Variants in MEMO1 observed in about 807,000 individuals in gnomAD.
The protein encoded by MEMO1 is mediator of cell motility 1, also known as protein MEMO1.
Under a neutral mutation model 45.2 loss-of-function variants are expected in MEMO1, and 6 were observed. The observed-to-expected ratio is 0.13, with a 90% CI of 0.07 to 0.26. The LOEUF (loss-of-function observed/expected upper bound fraction) is 0.26. MEMO1 is among the 10% of genes least tolerant of loss of function. The pLI is 1.00. For missense variants in MEMO1, 184 were observed against 370.5 expected (o/e 0.50, Z 4.13); for synonymous variants, 78 against 124.3 (o/e 0.63, Z 2.48).
intron 2 of MEMO1, among the ~76,000 whole-genome samples, chr2:31,969,490 G>GA (rs1354372159): frequency 6.6e-6 from 1 of 150,962 alleles, no homozygotes; most frequent in East Asian, 1.9e-4. Flanking sequence ...TTTATAGACA[G>GA]AAAAAAGTTT....
At chr2:31,892,892 T>C (rs1677177544) in intron 6 of MEMO1, among the ~76,000 whole-genome samples, 1 of 152,192 alleles carries the variant, frequency 6.6e-6, no homozygotes. Flanking sequence ...ATAACTATGA[T>C]GAGCTATAGA....
At chr2:31,945,031 C>T (rs573831565) in intron 2 of MEMO1, among the ~76,000 whole-genome samples, 90 of 152,184 alleles carry the variant, frequency 5.9e-4, no homozygotes, top group African/African-American at 2.1e-3. Context: ...GTAACCACTT[C>T]CTGATTTTGG....
intron 6 of MEMO1, among the ~76,000 whole-genome samples, chr2:31,898,201 G>C (rs892527043): frequency 2.6e-5 from 4 of 151,694 alleles, no homozygotes; most frequent in Non-Finnish European, 5.9e-5. Flanking sequence ...AGGGTTTTTC[G>C]TGTCTCTATC....
At chr2:31,920,565 A>G (rs956318407) in intron 5 of MEMO1, among the ~76,000 whole-genome samples, 2 of 152,160 alleles carry the variant, frequency 1.3e-5, no homozygotes, top group Admixed American at 6.6e-5. Context: ...AACCACTACA[A>G]TCTGCACACT....
intron 6 of MEMO1, among the ~76,000 whole-genome samples, chr2:31,915,904 T>C (rs898419679): frequency 1.3e-5 from 2 of 152,142 alleles, no homozygotes; most frequent in Non-Finnish European, 2.9e-5. Context: ...ATAACTAATA[T>C]AGGTAATTTT....
At chr2:31,924,523 G>A (rs1383552405) in intron 4 of MEMO1, among the ~76,000 whole-genome samples, 1 of 151,732 alleles carries the variant, frequency 6.6e-6, no homozygotes, top group African/African-American at 2.4e-5. Flanking sequence ...AGAAATAAAT[G>A]TACTTCATAT....
intron 7 of MEMO1, among the ~76,000 whole-genome samples, chr2:31,887,768 T>C (rs1160990017): frequency 1.3e-5 from 2 of 152,122 alleles, no homozygotes; most frequent in African/African-American, 4.8e-5. Flanking sequence ...AAGACAAATA[T>C]GATGGCTTGG....
chr2:31,934,135 G>A lies in MEMO1; in HGVS notation c.144-2000C>T, dbSNP rs111777283. Among the ~76,000 whole-genome samples the A allele has an allele frequency of 1.7e-4, 26 of 152,260 alleles. 2 individuals are homozygous for A. The highest frequency in any genetic ancestry group is 1.2e-3 in the South Asian group (6 of 4,816). ...CTCAAACCTTAGCGACATCTCAGAT[G>A]TTCAACACTCCCTAGAAATTTTGCT... On this transcript the variant is annotated intron_variant, in intron 3 of 9. Transcript: ENST00000404530.
intron 2 of MEMO1, among the ~76,000 whole-genome samples, chr2:31,948,701 TCAGCTTGGCCAA>T (rs1481342754): frequency 1.3e-5 from 2 of 152,128 alleles, no homozygotes; most frequent in Admixed American, 1.3e-4. Flanking sequence ...CAGATTGAGA[TCAGCTTGGCCAA>T]CGTGCCGAAA....
At chr2:32,008,982 G>A (rs1034223083) in intron 2 of MEMO1, among the ~76,000 whole-genome samples, 2 of 152,156 alleles carry the variant, frequency 1.3e-5, no homozygotes, top group Non-Finnish European at 2.9e-5. Flanking sequence ...GATTCACCTC[G>A]AGAAGTTAGG....
chr2:31,930,811 A>ATTTTTTTT (rs376524077), intron 4 of MEMO1, among the ~76,000 whole-genome samples: 16 of 126,080 alleles, frequency 1.3e-4, no homozygotes, highest in African/African-American at 2.8e-4. Flanking sequence ...ACGCCTGGCA[A>ATTTTTTTT]TTTTTTTTTT....
Position 32,002,162 on chromosome 2 carries a change from A to T in MEMO1, c.61+8025T>A, listed in dbSNP as rs1416238379. ...TCTGTCTCAAAAAAAAAAAAAAAAA[A>T]AAAAAAATATATATATATATATATA... On this transcript the variant is annotated intron_variant, in intron 2 of 9. Transcript: ENST00000404530. Among the ~76,000 whole-genome samples, 275 of 124,452 alleles carry T rather than the reference A, an allele frequency of 2.2e-3. 2 individuals carry two copies. Among genetic ancestry groups the T allele is most frequent in the African/African-American group, 9.1e-3 (264 of 28,956 alleles). The allele number at this position is 124,452 out of a possible 152,430, so 81.6% of individuals were successfully genotyped here. A position where few individuals can be genotyped will look rare whatever the true frequency, so the allele number is the denominator to read the frequency against.
intron 6 of MEMO1, among the ~76,000 whole-genome samples, chr2:31,897,115 T>C (rs1410359557): frequency 6.6e-6 from 1 of 152,186 alleles, no homozygotes; most frequent in Non-Finnish European, 1.5e-5. Flanking sequence ...CTTAAGGAGA[T>C]TTTAGGCTGA....
At chr2:31,919,108 TTATTA>T (rs1237494284) in intron 5 of MEMO1, among the ~76,000 whole-genome samples, 1 of 151,598 alleles carries the variant, frequency 6.6e-6, no homozygotes, top group African/African-American at 2.4e-5. Context: ...ATGGACTCTT[TTATTA>T]TTTTATTTTT....
intron 2 of MEMO1, among the ~76,000 whole-genome samples, chr2:31,966,159 C>A (rs574752865): frequency 6.6e-6 from 1 of 152,218 alleles, no homozygotes; most frequent in East Asian, 1.9e-4. Flanking sequence ...AGAAAACTAG[C>A]AAAAATTCTC....
chr2:31,923,536 T>TAACATGAC, intron 4 of MEMO1: 1 of 1,268,666 alleles, frequency 7.9e-7, no homozygotes. Context: ...AGCACATAAA[T>TAACATGAC]AACATGACAC....
intron 2 of MEMO1, among the ~76,000 whole-genome samples, chr2:31,970,214 G>A (rs916540717): frequency 7.9e-5 from 12 of 151,222 alleles, no homozygotes; most frequent in Admixed American, 3.3e-4. Context: ...CAAGCAATCC[G>A]CCACCTCGGC....
At position 31,883,377 on chromosome 2, in the gene MEMO1, A is replaced by G. The variant is rs1396345700; in HGVS notation, c.657+9T>C. On this transcript the variant is annotated intron_variant, in intron 8 of 9. Transcript: ENST00000404530. ...TAGAGCATTAAAATCCCACACCTGA[A>G]AGACTTACCATTTTATCTAGATGTT... 23 of 1,562,860 alleles carry G rather than the reference A, an allele frequency of 1.5e-5. No individual in the cohort carries two copies. Among genetic ancestry groups the G allele is most frequent in the Non-Finnish European group, 1.9e-5 (22 of 1,152,976 alleles).
At chr2:31,914,952 G>A (rs1681201542) in intron 6 of MEMO1, among the ~76,000 whole-genome samples, 1 of 123,996 alleles carries the variant, frequency 8.1e-6, no homozygotes, top group South Asian at 2.9e-4. Flanking sequence ...ATGAGACCCT[G>A]TCTCTTTTTA....
Sources: gnomAD v4.1 joint callset for allele counts (sites outside exome capture counted in the v4.1 genomes callset) on GRCh38, gnomAD v4.1.1 for gene constraint, MANE v1.5 for transcripts, NCBI Gene and HGNC (gene_info 2026-07-23, HGNC 2026-07-21) for gene names.